The following TOP1MT variants were observed in gnomAD, a reference collection of about 807,000 sequenced individuals.
The protein encoded by TOP1MT is DNA topoisomerase I mitochondrial.
A neutral mutation model predicts 73.9 loss-of-function variants in TOP1MT; 80 were observed. The observed-to-expected ratio is 1.08, with a 90% CI of 0.90 to 1.30. TOP1MT has a LOEUF of 1.30. Among genes scored for constraint, TOP1MT ranks in the 50% most tolerant of loss-of-function variants. The pLI is 0.00. For missense variants in TOP1MT, 815 were observed against 808.0 expected, an observed-to-expected ratio of 1.01 and a Z score of -0.10; for synonymous variants, 338 against 326.4, an observed-to-expected ratio of 1.04 and a Z score of -0.38.
intron 1 of TOP1MT, chr8:143,332,498 A>G: frequency 1.6e-6 from 2 of 1,289,332 alleles, no homozygotes; most frequent in Non-Finnish European, 2.0e-6. Flanking sequence ...TGCCAGAGCC[A>G]GGAGACCTGC....
At chr8:143,332,217 A>T (rs1427769162) in intron 1 of TOP1MT, among the ~76,000 whole-genome samples, 1 of 152,172 alleles carries the variant, frequency 6.6e-6, no homozygotes. Context: ...CAAAACCCAT[A>T]CGAAGGGCTC....
In TOP1MT at chr8:143,341,898, A is replaced by G. The variant is rs1219339649; in HGVS notation, c.29+1322T>C. The stretch of plus-strand genomic sequence containing the variant: ...CCTTCTTCTTCTTCTTATTAGCGAC[A>G]GAGTCTCACTCTGTTATTATTATTA... On this transcript the variant is annotated intron_variant, in intron 2 of 5. Coordinates refer to the TOP1MT transcript ENST00000518007. The surrounding 1 kb of genome is among the most constrained non-coding windows in gnomAD (Gnocchi z 4.1). 1.3e-5 allele frequency among the ~76,000 whole-genome samples: 2 copies of G among 151,878 alleles called. No homozygotes were observed. The highest frequency in any genetic ancestry group is 2.9e-5 in the Non-Finnish European group (2 of 68,024).
chr8:143,333,618 C>T (rs576124064), intron 1 of TOP1MT, among the ~76,000 whole-genome samples: 27 of 152,320 alleles, frequency 1.8e-4, no homozygotes, highest in East Asian at 1.5e-3. Context: ...ACTGGGTGTG[C>T]GCTCAAGCCC....
intron 2 of TOP1MT, among the ~76,000 whole-genome samples, chr8:143,329,733 C>T (rs781736088): frequency 6.6e-5 from 10 of 152,126 alleles, no homozygotes; most frequent in Non-Finnish European, 1.0e-4. Context: ...TCCTCCTTTA[C>T]CACTTAACGT....
chr8:143,322,323 A>T (rs1285800213), intron 7 of TOP1MT, among the ~76,000 whole-genome samples: 1 of 75,402 alleles, frequency 1.3e-5, no homozygotes. Flanking sequence ...CGCCATACAG[A>T]TGCATGCCAC....
intron 1 of TOP1MT, among the ~76,000 whole-genome samples, chr8:143,353,050 TA>T (rs1309230649): frequency 6.6e-6 from 1 of 152,198 alleles, no homozygotes; most frequent in Non-Finnish European, 1.5e-5. Flanking sequence ...AATCCACAGA[TA>T]GGGGTCTAGT....
upstream of TOP1MT, among the ~76,000 whole-genome samples, chr8:143,339,180 G>A (rs1331655263): frequency 6.6e-6 from 1 of 152,214 alleles, no homozygotes; most frequent in African/African-American, 2.4e-5. Flanking sequence ...ACCCCATCCA[G>A]AAGCCACACT....
chr8:143,341,160 A>G lies in TOP1MT; in HGVS notation c.29+2060T>C, dbSNP rs1817073232. ...CACCCTCTTCTCGTGCTGCCGCCCC[A>G]GTGCATCTCCCCACACGTTTGTCCT... On this transcript the variant is annotated intron_variant, in intron 2 of 5. Coordinates refer to the TOP1MT transcript ENST00000518007. The surrounding 1 kb of genome is among the most constrained non-coding windows in gnomAD (Gnocchi z 4.1). 6.6e-6 allele frequency among the ~76,000 whole-genome samples: 1 copy of G among 151,646 alleles called. No homozygotes were observed. Among genetic ancestry groups the G allele is most frequent in the Admixed American group, 6.6e-5 (1 of 15,244 alleles).
At chr8:143,322,641 C>A (rs1353039048) in intron 7 of TOP1MT, among the ~76,000 whole-genome samples, 2 of 47,442 alleles carry the variant, frequency 4.2e-5, no homozygotes, top group Non-Finnish European at 9.3e-5. Flanking sequence ...CACACACACA[C>A]GCCACACGCA....
intron 1 of TOP1MT, chr8:143,332,376 G>C: frequency 1.2e-6 from 1 of 811,336 alleles, no homozygotes; most frequent in Non-Finnish European, 1.8e-6. Context: ...AGTGGGAGAG[G>C]CTTTGGCGAG....
At chr8:143,353,156 T>G (rs1817348280) in intron 1 of TOP1MT, among the ~76,000 whole-genome samples, 1 of 152,200 alleles carries the variant, frequency 6.6e-6, no homozygotes, top group African/African-American at 2.4e-5. Context: ...GGCTCACACC[T>G]GTAATCCCAG....
At chr8:143,315,400 G>T (rs13260989) in intron 12 of TOP1MT, among the ~76,000 whole-genome samples, 4 of 151,692 alleles carry the variant, frequency 2.6e-5, no homozygotes, top group South Asian at 2.1e-4. Context: ...GAAGGGCCCC[G>T]TGTCCAGTGG....
At chr8:143,323,231 CAGGCACGCCACACACACAG>C (rs1816576277) in intron 7 of TOP1MT, among the ~76,000 whole-genome samples, 1 of 130,064 alleles carries the variant, frequency 7.7e-6, no homozygotes, top group Non-Finnish European at 1.6e-5. Flanking sequence ...ACGCCACACA[CAGGCACGCCACACACACAG>C]GCACGCCACA....
upstream of TOP1MT, chr8:143,334,899 G>GCCCCAGCGGCCAGCCCTGCCCCGC: frequency 7.3e-7 from 1 of 1,372,014 alleles, no homozygotes; most frequent in African/African-American, 2.1e-5. Flanking sequence ...GCTGGGCCCC[G>GCCCCAGCGGCCAGCCCTGCCCCGC]CCCCAGCGGC....
Position 143,310,086 on chromosome 8 carries a change from G to A in TOP1MT, c.1685C>T (p.Pro562Leu), listed in dbSNP as rs1815966279. Residue 562 changes from proline to leucine, a missense_variant, in exon 13 of 14, where the codon CCC becomes CTC. Pro to Leu is a moderately conservative substitution (Grantham distance 98, BLOSUM62 -3). Around this residue, in one of 3 missense-constraint regions of TOP1MT, gnomAD observed 751 missense variants for 725.4 expected, o/e 1.04. Transcript: ENST00000329245. The part of the protein sequence containing the change: ...LGTSKLNYLD[P>L]RISIAWCKRF... ...CACGCACCAGGCAATGCTGATCCTG[G>A]GGTCCAGGTAGTTGAGCTTGGACGT... The A allele has an allele frequency of 1.9e-6, 3 of 1,613,002 alleles. No individual in the cohort carries two copies. The highest frequency in any genetic ancestry group is 1.3e-5 in the African/African-American group (1 of 74,926).
At chr8:143,352,115 C>T (rs536661525) in intron 1 of TOP1MT, among the ~76,000 whole-genome samples, 5 of 152,252 alleles carry the variant, frequency 3.3e-5, no homozygotes, top group African/African-American at 4.8e-5. Flanking sequence ...ACTCTCCAAA[C>T]GGATCAAAAA....
intron 1 of TOP1MT, chr8:143,332,388 G>T: frequency 3.3e-6 from 3 of 912,594 alleles, no homozygotes; most frequent in Non-Finnish European, 4.6e-6. Context: ...TTTGGCGAGA[G>T]GGTGGGAGCA....
At chr8:143,312,011 G>A (rs909818298) in intron 12 of TOP1MT, among the ~76,000 whole-genome samples, 6 of 152,208 alleles carry the variant, frequency 3.9e-5, no homozygotes, top group African/African-American at 1.4e-4. Flanking sequence ...AGGCCTAGAT[G>A]GTTTCACTGG....
rs186023772 is a variant in TOP1MT at position 143,316,033 on chromosome 8, G to A, written c.1424C>T (p.Thr475Met). The change falls in exon 11 of 14, where the codon ACG becomes ATG. Residue 475 changes from threonine (T) to methionine (M), a missense_variant. Thr to Met is a moderately conservative substitution (Grantham distance 81). This residue lies in a region of TOP1MT where 751 missense variants were observed against 725.4 expected (regional missense o/e 1.04). Coordinates refer to ENST00000329245, the MANE Select transcript of TOP1MT (RefSeq NM_052963.3). ...LCNHQRATPS[T>M]FEKSMQNLQT... ...GAGATTCTGCATCGACTTCTCGAAC[G>A]TACTGGGGGTTGCTCGCTGATGGTT... 174 of 1,614,140 alleles carry A rather than the reference G, an allele frequency of 1.1e-4. No individual in the cohort carries two copies. Among genetic ancestry groups the A allele is most frequent in the Admixed American group, 1.0e-3 (63 of 60,028 alleles).
Sources: allele counts gnomAD v4.1 joint callset (sites outside exome capture counted in the v4.1 genomes callset), GRCh38; gene constraint gnomAD v4.1.1; regional missense constraint gnomAD v4.1.1; non-coding constraint Gnocchi (gnomAD v3.1); transcripts MANE v1.5; gene names NCBI Gene and HGNC (gene_info 2026-07-23, HGNC 2026-07-21).